AHCTF1: variants seen among roughly 807,000 people sequenced by gnomAD.
AHCTF1 encodes the protein protein ELYS.
Under a neutral mutation model 248.4 loss-of-function variants are expected in AHCTF1, and 24 were observed. The observed-to-expected ratio is 0.10, with a 90% CI of 0.07 to 0.14. AHCTF1 has a LOEUF of 0.14. Among genes scored for constraint, AHCTF1 ranks in the 10% least tolerant of loss-of-function variants. The pLI is 1.00. For synonymous variants in AHCTF1, 786 were observed against 929.8 expected (o/e 0.85, Z 2.81); for missense variants, 2,206 against 2,636.2 (o/e 0.84, Z 3.57).
intron 24 of AHCTF1, among the ~76,000 whole-genome samples, chr1:246,869,574 C>G (rs891018814): frequency 6.6e-6 from 1 of 151,998 alleles, no homozygotes; most frequent in Non-Finnish European, 1.5e-5. Context: ...ATCACCATTC[C>G]AAAATTCCTA....
intron 30 of AHCTF1, 101 bp from the exon 31 acceptor site, chr1:246,855,928 T>G (rs1228572430): frequency 1.4e-6 from 1 of 713,752 alleles, no homozygotes; most frequent in Non-Finnish European, 2.3e-6. Context: ...TGATGTAAAC[T>G]GAGGTTCAGA....
At chr1:246,845,306 T>C (rs1660171484) in intron 33 of AHCTF1, among the ~76,000 whole-genome samples, 1 of 151,198 alleles carries the variant, frequency 6.6e-6, no homozygotes, top group Non-Finnish European at 1.5e-5. Context: ...ACAGTAGGTG[T>C]ATATATAAAA....
At chr1:246,847,712 G>A (rs1660383426) in intron 33 of AHCTF1, among the ~76,000 whole-genome samples, 1 of 152,080 alleles carries the variant, frequency 6.6e-6, no homozygotes, top group Non-Finnish European at 1.5e-5. Context: ...CCATGTTGTT[G>A]CAGGTATTTT....
At chr1:246,905,761 C>A in intron 5 of AHCTF1, 104 bp from the exon 6 acceptor site, 1 of 796,044 alleles carries the variant, frequency 1.3e-6, no homozygotes, top group South Asian at 1.7e-5. Flanking sequence ...CCTACACTTC[C>A]CCAGAATAAG....
chr1:246,906,831 A>T (rs1665428163), intron 5 of AHCTF1, among the ~76,000 whole-genome samples: 1 of 152,162 alleles, frequency 6.6e-6, no homozygotes, highest in Non-Finnish European at 1.5e-5. Context: ...TTTAAAACAC[A>T]AGTATTTTGT....
chr1:246,907,658 T>A lies in AHCTF1; in HGVS notation c.657A>T (p.Thr219=), dbSNP rs773311351. The stretch of plus-strand genomic sequence containing the variant: ...AACTAAGAGTTGAAACAGCTGTTCC[T>A]GTTGGACTTACTAACTGGAAACACA... ...RHLCFQLVSP[T]GTAVSTLSYI... Residue 219 remains threonine (T), a synonymous_variant, in exon 5 of 36, where the codon ACA becomes ACT. Transcript: ENST00000648844. 4 of 1,613,878 alleles carry A rather than the reference T, an allele frequency of 2.5e-6. No homozygotes were observed. Among genetic ancestry groups the A allele is most frequent in the Non-Finnish European group, 3.4e-6 (4 of 1,179,816 alleles).
chr1:246,863,965 C>T lies in AHCTF1; in HGVS notation c.3499G>A (p.Ala1167Thr). ...LKGSPQAISRASELHLLETPL... is the reference protein window; with the variant it reads ...LKGSPQAISRTSELHLLETPL... ...GTTTCAAGCAAATGTAATTCTGAAG[C>T]CCTGGAGATGGCCTGAGGCGATCCT... The change falls in exon 27 of 36, where the codon GCT (alanine) becomes ACT (threonine). Residue 1167 changes from alanine (A) to threonine (T), a missense_variant. This residue lies in a region of AHCTF1 where 955 missense variants were observed against 1,055.6 expected (regional missense o/e 0.90). Transcript: ENST00000648844. 6.2e-7 allele frequency: 1 copy of T among 1,613,978 alleles called. No individual in the cohort carries two copies. The highest frequency in any genetic ancestry group is 8.5e-7 in the Non-Finnish European group (1 of 1,179,942).
At position 246,894,639 on chromosome 1, in the gene AHCTF1, T is replaced by A. The variant is rs1396562116; in HGVS notation, c.1804+20A>T. On this transcript the variant is annotated intron_variant, in intron 14 of 35. Coordinates refer to ENST00000648844, the MANE Select transcript of AHCTF1 (RefSeq NM_001323342.2). ...TTTTAATATTAAATTCTGTCCTACA[T>A]CTAGACCTCTAATACTTACATAGTC... 13 of 1,580,932 alleles carry A rather than the reference T, an allele frequency of 8.2e-6. No individual in the cohort carries two copies. The highest frequency in any genetic ancestry group is 1.0e-5 in the Non-Finnish European group (12 of 1,152,004).
intron 28 of AHCTF1, among the ~76,000 whole-genome samples, 165 bp downstream of exon 28, chr1:246,861,794 T>G (rs1292170243): frequency 1.3e-5 from 2 of 152,256 alleles, no homozygotes; most frequent in African/African-American, 4.8e-5. Flanking sequence ...ATGGCCCTAG[T>G]GTTTCTTTCA....
At chr1:246,874,547 C>T (rs750775634) in intron 24 of AHCTF1, among the ~76,000 whole-genome samples, 25 of 152,102 alleles carry the variant, frequency 1.6e-4, no homozygotes, top group Admixed American at 5.9e-4. Context: ...GGTCATGAAA[C>T]GGCCACCCAA....
At chr1:246,916,570 C>T (rs987021078) in intron 2 of AHCTF1, among the ~76,000 whole-genome samples, 175 bp from the exon 3 acceptor site, 2 of 152,084 alleles carry the variant, frequency 1.3e-5, no homozygotes, top group Non-Finnish European at 2.9e-5. Context: ...CATTCAGTGG[C>T]GTGAACCTGG....
chr1:246,888,423 T>C lies in AHCTF1; in HGVS notation c.2239A>G (p.Thr747Ala). The stretch of plus-strand genomic sequence containing the variant: ...AGACTAGCAGGAGGATATTTTCCTG[T>C]GCCTCCTTCATCTCGTTTCCACAAC... Reference protein sequence around the residue: ...EKLWKRDEGGTGKYPPASLHA... With the variant: ...EKLWKRDEGGAGKYPPASLHA... Residue 747 changes from threonine to alanine, a missense_variant, in exon 18 of 36, where the codon ACA (threonine) becomes GCA (alanine). This residue lies in a region of AHCTF1 where 650 missense variants were observed against 870.8 expected (regional missense o/e 0.75). Transcript: ENST00000648844. The C allele has an allele frequency of 6.2e-7, 1 of 1,612,908 alleles. No homozygotes were observed. The highest frequency in any genetic ancestry group is 8.5e-7 in the Non-Finnish European group (1 of 1,180,006).
At chr1:246,853,343 T>C (rs772940820) in intron 31 of AHCTF1, 44 bp from the exon 32 acceptor site, 2 of 1,501,252 alleles carry the variant, frequency 1.3e-6, no homozygotes, top group Non-Finnish European at 1.8e-6. Flanking sequence ...AACTGAAAAA[T>C]AAATCCACAC....
At chr1:246,889,800 A>G (rs906699784) in intron 17 of AHCTF1, among the ~76,000 whole-genome samples, 166 bp downstream of exon 17, 1 of 152,228 alleles carries the variant, frequency 6.6e-6, no homozygotes, top group East Asian at 1.9e-4. Flanking sequence ...TAAGTAGGTT[A>G]TTCGTGTACT....
rs760655294 is a variant in AHCTF1, at chr1:246,885,630, C to G, written c.2523G>C (p.Trp841Cys). 2 of 1,612,378 alleles carry G rather than the reference C, an allele frequency of 1.2e-6. No homozygotes were observed. The highest frequency in any genetic ancestry group is 4.5e-5 in the East Asian group (2 of 44,792). Reference protein sequence around the residue: ...FHPATAKPLSWQHSKIIQAFM... With the variant: ...FHPATAKPLSCQHSKIIQAFM... ...ATGCCTGAATAATCTTTGAATGTTG[C>G]CATGACAAAGGTTTTGCAGTAGCTG... The change falls in exon 21 of 36, where the codon TGG becomes TGC. Residue 841 changes from tryptophan (W) to cysteine (C), a missense_variant. Physicochemically the swap from Trp to Cys is radical, Grantham distance 215. This residue lies in a region of AHCTF1 where 650 missense variants were observed against 870.8 expected (regional missense o/e 0.75). Coordinates refer to ENST00000648844, the MANE Select transcript of AHCTF1 (RefSeq NM_001323342.2).
intron 35 of AHCTF1, among the ~76,000 whole-genome samples, chr1:246,842,076 A>ACTTT (rs1198418050): frequency 6.6e-6 from 1 of 151,064 alleles, no homozygotes; most frequent in African/African-American, 2.4e-5. Flanking sequence ...TACAGGCGTG[A>ACTTT]GCCACCACGC....
intron 1 of AHCTF1, among the ~76,000 whole-genome samples, chr1:246,925,907 G>A (rs1572479087): frequency 1.3e-5 from 2 of 151,982 alleles, no homozygotes. Context: ...TCATCTCTAC[G>A]AAAAATAATT....
chr1:246,913,450 A>C (rs1248641049), intron 3 of AHCTF1, 38 bp from the exon 4 acceptor site: 2 of 1,553,514 alleles, frequency 1.3e-6, no homozygotes, highest in Admixed American at 3.7e-5. Context: ...TTCTTCTGCA[A>C]AGTAAGAAAA....
intron 21 of AHCTF1, among the ~76,000 whole-genome samples, chr1:246,885,254 C>A (rs1663734458): frequency 6.6e-6 from 1 of 152,280 alleles, no homozygotes; most frequent in Admixed American, 6.5e-5. Flanking sequence ...CACACATACT[C>A]AAATTTCAAA....
Sources: gnomAD v4.1 joint callset for allele counts (sites outside exome capture counted in the v4.1 genomes callset) on GRCh38, gnomAD v4.1.1 for gene constraint, gnomAD v4.1.1 regional missense constraint, MANE v1.5 for transcripts, NCBI Gene and HGNC (gene_info 2026-07-23, HGNC 2026-07-21) for gene names.